EIF4G3: variants seen among roughly 807,000 people sequenced by gnomAD.
The protein encoded by EIF4G3 is eIF-4-gamma 3.
In EIF4G3, 34 loss-of-function variants were observed where a neutral mutation model predicts 186.4. That is an observed-to-expected ratio of 0.18 (90% confidence interval 0.14 to 0.24). The LOEUF (loss-of-function observed/expected upper bound fraction) is 0.24. Ranked by LOEUF, EIF4G3 falls within the 10% of genes least tolerant of loss-of-function variation. EIF4G3 has a pLI of 1.00. For synonymous variants in EIF4G3, 673 were observed against 679.5 expected (o/e 0.99, Z 0.15); for missense variants, 1,536 against 1,948.5 (o/e 0.79, Z 3.99).
chr1:20,862,102 C>A, intron 23 of EIF4G3, 126 bp downstream of exon 23: 1 of 559,334 alleles, frequency 1.8e-6, no homozygotes, highest in East Asian at 3.2e-5. Context: ...TTTGCCAATC[C>A]AAATTCTGAG....
chr1:21,069,312 T>C (rs2095369134), intron 3 of EIF4G3, among the ~76,000 whole-genome samples: 1 of 152,184 alleles, frequency 6.6e-6, no homozygotes, highest in South Asian at 2.1e-4. Context: ...AGAAAAACTA[T>C]ACCAGTAAAT....
At chr1:21,020,576 C>A (rs1449690693) in intron 4 of EIF4G3, among the ~76,000 whole-genome samples, 3 of 152,146 alleles carry the variant, frequency 2.0e-5, no homozygotes, top group Non-Finnish European at 4.4e-5. Context: ...CATGTATAGC[C>A]AGCGCGATTA....
At chr1:21,032,621 A>G (rs1307877535) in intron 4 of EIF4G3, among the ~76,000 whole-genome samples, 1 of 152,136 alleles carries the variant, frequency 6.6e-6, no homozygotes, top group African/African-American at 2.4e-5. Context: ...GACTTTTCAG[A>G]AAGGCCAAAC....
chr1:20,901,783 T>G (rs1385783680), intron 15 of EIF4G3, among the ~76,000 whole-genome samples: 1 of 152,112 alleles, frequency 6.6e-6, no homozygotes, highest in Non-Finnish European at 1.5e-5. Context: ...AGTCAACTAG[T>G]CTGTACAGTT....
chr1:21,145,115 A>G (rs1442343246), intron 2 of EIF4G3, among the ~76,000 whole-genome samples: 1 of 151,860 alleles, frequency 6.6e-6, no homozygotes, highest in Non-Finnish European at 1.5e-5. Context: ...AAAAAAAATT[A>G]TGCCATTATT....
At chr1:20,967,460 C>T (rs1396295830) in intron 12 of EIF4G3, among the ~76,000 whole-genome samples, 1 of 152,130 alleles carries the variant, frequency 6.6e-6, no homozygotes, top group Non-Finnish European at 1.5e-5. Context: ...AGGGAAGAGA[C>T]TAAATATAAG....
chr1:20,889,118 A>G (rs1055096651), intron 18 of EIF4G3, among the ~76,000 whole-genome samples: 3 of 152,178 alleles, frequency 2.0e-5, no homozygotes, highest in Non-Finnish European at 4.4e-5. Context: ...ACCCACTGTC[A>G]GTTTTCAAAA....
At chr1:20,943,967 ATTTTTTTTGTGT>A (rs1341442778) in intron 13 of EIF4G3, among the ~76,000 whole-genome samples, 57 of 65,380 alleles carry the variant, frequency 8.7e-4, no homozygotes, top group South Asian at 1.9e-3. Context: ...ACTTGTCTTT[ATTTTTTTTGTGT>A]GTGTGTGTGT....
intron 2 of EIF4G3, among the ~76,000 whole-genome samples, chr1:21,127,059 C>G (rs1000314709): frequency 2.0e-5 from 3 of 151,994 alleles, no homozygotes; most frequent in African/African-American, 7.2e-5. Context: ...GATGGCTCGC[C>G]ACAGCTTCGA....
At chr1:21,034,465 A>G (rs1411869057) in intron 4 of EIF4G3, among the ~76,000 whole-genome samples, 1 of 152,238 alleles carries the variant, frequency 6.6e-6, no homozygotes, top group Non-Finnish European at 1.5e-5. Context: ...GTACACTTTA[A>G]TATTATTCAT....
chr1:20,915,552 G>A (rs552550928), intron 14 of EIF4G3, among the ~76,000 whole-genome samples: 4 of 151,714 alleles, frequency 2.6e-5, no homozygotes, highest in African/African-American at 9.7e-5. Flanking sequence ...TTTTATCCCA[G>A]GGAAGCAGGT....
rs572189469 is a variant in EIF4G3 at position 21,025,394 on chromosome 1, G to A, written c.-66-22586C>T. Among the ~76,000 whole-genome samples the A allele has an allele frequency of 8.6e-5, 13 of 151,974 alleles. No individual in the cohort carries two copies. The South Asian group carries it at 1.2e-3, about 15-fold the overall frequency. On this transcript the variant is annotated intron_variant, in intron 4 of 36. Transcript: ENST00000602326. Reference sequence around the variant, plus strand: ...AAGATATCAAACAGGGATCTATTCCGACAGCCCAGGTACATAGTGATAAGG... The same window carrying A: ...AAGATATCAAACAGGGATCTATTCCAACAGCCCAGGTACATAGTGATAAGG...
At chr1:20,941,392 G>A (rs2095706975) in intron 14 of EIF4G3, 99 bp downstream of exon 14, 3 of 1,610,626 alleles carry the variant, frequency 1.9e-6, no homozygotes, top group Non-Finnish European at 2.5e-6. Flanking sequence ...TTCATTCGAT[G>A]TTTCTGGAAG....
rs368001331 is a variant in EIF4G3, at chr1:20,948,700, T to A, written c.823+1303A>T. 2.2e-3 allele frequency among the ~76,000 whole-genome samples: 331 copies of A among 152,212 alleles called. 15 individuals carry two copies. In the South Asian group the frequency reaches 0.064, roughly 30 times the overall value. Reference sequence around the variant, plus strand: ...ATATATCTATTTTATGGGCCATTCCTAAATATTTTTTAAAGGATAATTTTT... The same window carrying A: ...ATATATCTATTTTATGGGCCATTCCAAAATATTTTTTAAAGGATAATTTTT... On this transcript the variant is annotated intron_variant, in intron 13 of 36. Coordinates refer to ENST00000602326, the MANE Select transcript of EIF4G3 (RefSeq NM_001391906.1).
chr1:20,918,646 T>C (rs1185679578), intron 14 of EIF4G3, among the ~76,000 whole-genome samples: 1 of 151,886 alleles, frequency 6.6e-6, no homozygotes, highest in African/African-American at 2.4e-5. Flanking sequence ...TGAAAAATCT[T>C]ACGTTTTTGC....
At chr1:20,968,392 T>C (rs1392811600) in intron 12 of EIF4G3, among the ~76,000 whole-genome samples, 1 of 152,098 alleles carries the variant, frequency 6.6e-6, no homozygotes, top group Non-Finnish European at 1.5e-5. Context: ...GTTGGCTAGA[T>C]TGGTCTCGAA....
At chr1:21,108,192 A>T (rs2096650230) in intron 2 of EIF4G3, among the ~76,000 whole-genome samples, 1 of 152,222 alleles carries the variant, frequency 6.6e-6, no homozygotes, top group South Asian at 2.1e-4. Context: ...TCTTTGAAAG[A>T]ATAAACAAAG....
At chr1:21,124,786 CA>C (rs768768136) in intron 2 of EIF4G3, among the ~76,000 whole-genome samples, 18 of 152,102 alleles carry the variant, frequency 1.2e-4, no homozygotes, top group Non-Finnish European at 2.2e-4. Context: ...TGAGAATAAC[CA>C]TTTTAAACCA....
At chr1:21,091,892 G>T (rs923020377) in intron 2 of EIF4G3, among the ~76,000 whole-genome samples, 1 of 152,158 alleles carries the variant, frequency 6.6e-6, no homozygotes, top group Non-Finnish European at 1.5e-5. Flanking sequence ...GAGATTTTGG[G>T]CTGAGACGAT....
Sources: gnomAD v4.1 joint callset for allele counts (sites outside exome capture counted in the v4.1 genomes callset) on GRCh38, gnomAD v4.1.1 for gene constraint, MANE v1.5 for transcripts, NCBI Gene and HGNC (gene_info 2026-07-23, HGNC 2026-07-21) for gene names.